Variants in OSBPL10 observed in about 807,000 individuals in gnomAD.
OSBPL10 encodes the protein oxysterol-binding protein-related protein 10.
OSBPL10 carries 49 observed loss-of-function variants against 81.7 expected under a neutral mutation model. That is an observed-to-expected ratio of 0.60 (90% CI 0.48 to 0.76). The LOEUF (loss-of-function observed/expected upper bound fraction) is 0.76, where lower values mean the gene tolerates loss of function less well. Ranked by LOEUF, OSBPL10 falls within the 30% of genes least tolerant of loss-of-function variation. The pLI is 0.00. For synonymous variants in OSBPL10, 419 were observed against 383.6 expected (o/e 1.09, Z -1.08); for missense variants, 923 against 987.8 (o/e 0.93, Z 0.88).
intron 4 of OSBPL10, among the ~76,000 whole-genome samples, chr3:31,761,821 A>AAAAAAAAAC (rs1559453490): frequency 8.7e-5 from 12 of 138,078 alleles, no homozygotes; most frequent in Non-Finnish European, 5.9e-5. Flanking sequence ...TCTAAAAAAA[A>AAAAAAAAAC]AAAAAAAAAA....
chr3:31,892,089 T>A (rs1172999199), intron 1 of OSBPL10, among the ~76,000 whole-genome samples: 1 of 151,990 alleles, frequency 6.6e-6, no homozygotes, highest in African/African-American at 2.4e-5. Flanking sequence ...TTAGTAGAAT[T>A]TGACTTACTA....
At chr3:31,957,542 T>C (rs1272351300) in intron 1 of OSBPL10, among the ~76,000 whole-genome samples, 2 of 152,334 alleles carry the variant, frequency 1.3e-5, no homozygotes, top group South Asian at 2.1e-4. Context: ...TTTTGAGCAA[T>C]GGCAGCACTG....
At chr3:31,936,693 G>GA (rs201860462) in intron 1 of OSBPL10, among the ~76,000 whole-genome samples, 2 of 150,228 alleles carry the variant, frequency 1.3e-5, no homozygotes, top group African/African-American at 4.9e-5. Context: ...ATTTCCTGAA[G>GA]AAAAAAAAAT....
intron 3 of OSBPL10, among the ~76,000 whole-genome samples, chr3:31,846,531 C>T (rs1272135751): frequency 6.6e-6 from 1 of 152,046 alleles, no homozygotes; most frequent in Non-Finnish European, 1.5e-5. Flanking sequence ...GAGGCTGAGG[C>T]TGAGGCTGAG....
intron 3 of OSBPL10, among the ~76,000 whole-genome samples, chr3:31,860,900 G>A (rs111729233): frequency 2.6e-3 from 395 of 149,122 alleles, no homozygotes; most frequent in African/African-American, 9.0e-3. Context: ...TAGTAGACAC[G>A]GGGTTTCATC....
chr3:31,962,391 G>A (rs1698193203), intron 1 of OSBPL10, among the ~76,000 whole-genome samples: 1 of 152,082 alleles, frequency 6.6e-6, no homozygotes, highest in African/African-American at 2.4e-5. Flanking sequence ...TTCAATTTGG[G>A]ATGATAAAAA....
chr3:31,743,740 T>A (rs2125688955), intron 5 of OSBPL10, among the ~76,000 whole-genome samples: 2 of 152,344 alleles, frequency 1.3e-5, no homozygotes, highest in East Asian at 3.9e-4. Flanking sequence ...TGGTAATGCT[T>A]CAGGTAAGAC....
chr3:31,710,008 T>C (rs180813447), intron 6 of OSBPL10, among the ~76,000 whole-genome samples: 180 of 152,296 alleles, frequency 1.2e-3, no homozygotes, highest in Non-Finnish European at 1.9e-3. Context: ...AGGAAGCTCA[T>C]GAGTATTTGG....
At chr3:32,073,731 T>C (rs1482449024) in intron 1 of OSBPL10, among the ~76,000 whole-genome samples, 2 of 152,048 alleles carry the variant, frequency 1.3e-5, no homozygotes, top group Non-Finnish European at 2.9e-5. Flanking sequence ...TATTCACCAT[T>C]CTCAACTACT....
intron 4 of OSBPL10, among the ~76,000 whole-genome samples, chr3:31,784,381 GAAAAGGAAAAGGAAAGGA>G (rs1194332875): frequency 3.5e-5 from 5 of 144,546 alleles, no homozygotes; most frequent in Admixed American, 6.8e-5. Context: ...AAAGGAAAGG[GAAAAGGAAAAGGAAAGGA>G]AAAAGGAAAA....
chr3:31,684,900 G>T (rs1423324029), intron 7 of OSBPL10, among the ~76,000 whole-genome samples: 2 of 152,156 alleles, frequency 1.3e-5, no homozygotes, highest in Non-Finnish European at 2.9e-5. Context: ...CCCTAGGTTT[G>T]TTATTGGCAC....
rs542441063 is a variant in OSBPL10 at position 31,681,136 on chromosome 3, T to C, written c.1726+2498A>G. 4.2e-4 allele frequency among the ~76,000 whole-genome samples: 64 copies of C among 152,330 alleles called. No homozygotes were observed. The South Asian group carries it at 0.011, about 26-fold the overall frequency. On this transcript the variant is annotated intron_variant, in intron 8 of 11. Transcript: ENST00000396556. ...GGTGACAGGTGTGTCCCTAGCTTCCTACACAAATTAATGAATGTCTCATTG... is the reference window on the plus strand; with the variant it reads ...GGTGACAGGTGTGTCCCTAGCTTCCCACACAAATTAATGAATGTCTCATTG...
intron 1 of OSBPL10, among the ~76,000 whole-genome samples, chr3:31,880,391 G>A (rs1695526837): frequency 6.6e-6 from 1 of 152,178 alleles, no homozygotes; most frequent in African/African-American, 2.4e-5. Flanking sequence ...ACGAAGGCAA[G>A]GAATCCCCCT....
At chr3:31,854,523 A>T (rs534416068) in intron 3 of OSBPL10, among the ~76,000 whole-genome samples, 28 of 152,330 alleles carry the variant, frequency 1.8e-4, no homozygotes, top group Admixed American at 1.3e-3. Flanking sequence ...TATACTTTTT[A>T]AAAAAGAATG....
At chr3:31,730,376 T>C (rs1696937719) in intron 6 of OSBPL10, among the ~76,000 whole-genome samples, 1 of 150,796 alleles carries the variant, frequency 6.6e-6, no homozygotes, top group Non-Finnish European at 1.5e-5. Context: ...AAAGAAAAAG[T>C]CAAGAGAGCT....
intron 3 of OSBPL10, among the ~76,000 whole-genome samples, chr3:31,866,840 G>GA (rs1317913875): frequency 6.6e-6 from 1 of 151,904 alleles, no homozygotes; most frequent in African/African-American, 2.4e-5. Flanking sequence ...TGGGGAAAAA[G>GA]AAAAAATCCA....
intron 6 of OSBPL10, among the ~76,000 whole-genome samples, chr3:31,726,316 T>C (rs1247963874): frequency 6.6e-6 from 1 of 152,110 alleles, no homozygotes; most frequent in Admixed American, 6.5e-5. Flanking sequence ...TTTAATTTTT[T>C]TTTTTTATTT....
Position 31,725,356 on chromosome 3 carries a change from T to C in OSBPL10, c.1095+7901A>G, listed in dbSNP as rs149766618. On this transcript the variant is annotated intron_variant, in intron 6 of 11. Coordinates refer to ENST00000396556, the MANE Select transcript of OSBPL10 (RefSeq NM_017784.5). Reference sequence around the variant, plus strand: ...CTAAGGGTCTGATAGCTAGAAGGCATATCTTCTACATTTGCCTAAAGGATG... The same window carrying C: ...CTAAGGGTCTGATAGCTAGAAGGCACATCTTCTACATTTGCCTAAAGGATG... Among the ~76,000 whole-genome samples the C allele has an allele frequency of 5.3e-5, 8 of 152,284 alleles. No individual in the cohort carries two copies. In the East Asian group the frequency reaches 1.5e-3, roughly 29 times the overall value.
At chr3:31,922,286 G>C (rs1696938410) in intron 1 of OSBPL10, among the ~76,000 whole-genome samples, 1 of 152,208 alleles carries the variant, frequency 6.6e-6, no homozygotes, top group African/African-American at 2.4e-5. Context: ...GTGGGAGTTG[G>C]GGGGAGTATG....
Sources: gnomAD v4.1 joint callset for allele counts (sites outside exome capture counted in the v4.1 genomes callset) on GRCh38, gnomAD v4.1.1 for gene constraint, MANE v1.5 for transcripts, NCBI Gene and HGNC (gene_info 2026-07-23, HGNC 2026-07-21) for gene names.